HIVEP3: variants seen among roughly 807,000 people sequenced by gnomAD.
HIVEP3 encodes transcription factor HIVEP3.
A neutral mutation model predicts 152.8 loss-of-function variants in HIVEP3; 49 were observed. That is an observed-to-expected ratio of 0.32 (90% CI 0.26 to 0.41). The LOEUF (loss-of-function observed/expected upper bound fraction) is 0.41, where lower values mean the gene tolerates loss of function less well. Ranked by LOEUF, HIVEP3 falls within the 10% of genes least tolerant of loss-of-function variation. HIVEP3 has a pLI of 1.00. For synonymous variants in HIVEP3, 1,269 were observed against 1,289.0 expected, an observed-to-expected ratio of 0.98 and a Z score of 0.33; for missense variants, 2,790 against 3,103.3, an observed-to-expected ratio of 0.90 and a Z score of 2.40.
At chr1:41,997,019 T>G (rs908056961) in intron 1 of HIVEP3, among the ~76,000 whole-genome samples, 1 of 152,194 alleles carries the variant, frequency 6.6e-6, no homozygotes, top group Non-Finnish European at 1.5e-5. Flanking sequence ...AGGATAATCT[T>G]CCAGCCTCAA....
At chr1:41,645,861 G>A (rs544096627) in intron 2 of HIVEP3, among the ~76,000 whole-genome samples, 1 of 152,142 alleles carries the variant, frequency 6.6e-6, no homozygotes, top group East Asian at 1.9e-4. Flanking sequence ...GTGTGTCCCT[G>A]AGCAAGGCAT....
At chr1:41,985,734 A>G (rs1230235502) in intron 1 of HIVEP3, among the ~76,000 whole-genome samples, 1 of 152,230 alleles carries the variant, frequency 6.6e-6, no homozygotes, top group East Asian at 1.9e-4. Context: ...GAACAGCAAT[A>G]GCTAGAAGGA....
chr1:41,583,068 C>G lies in HIVEP3; in HGVS notation c.1730G>C (p.Ser577Thr). Reference sequence around the variant, plus strand: ...CCGGGGGTGGGAGGTAAACACGTGACTGCTGTGGCTCAGGGCTTCGGAGTC... The same window carrying G: ...CCGGGGGTGGGAGGTAAACACGTGAGTGCTGTGGCTCAGGGCTTCGGAGTC... ...ITDSEALSHS[S>T]HVFTSHPRML... Residue 577 changes from serine to threonine, a missense_variant, in exon 4 of 9, where the codon AGT (serine) becomes ACT (threonine). Transcript: ENST00000372583. This position sits in a 1 kb window ranked among gnomAD's most constrained non-coding sequence, Gnocchi z 6.9. 1.2e-6 allele frequency: 2 copies of G among 1,613,874 alleles called. No homozygotes were observed. The highest frequency in any genetic ancestry group is 1.7e-6 in the Non-Finnish European group (2 of 1,179,886).
chr1:41,574,461 A>T (rs1644297614), intron 5 of HIVEP3, among the ~76,000 whole-genome samples: 1 of 152,016 alleles, frequency 6.6e-6, no homozygotes, highest in South Asian at 2.1e-4. Flanking sequence ...TGCTGCCCAC[A>T]TTTCCAAGCA....
At chr1:41,813,397 C>T (rs541603036) in intron 1 of HIVEP3, among the ~76,000 whole-genome samples, 19 of 152,364 alleles carry the variant, frequency 1.2e-4, no homozygotes, top group African/African-American at 4.6e-4. Flanking sequence ...CAGTGGCTCA[C>T]ACTGCTGCCA....
chr1:41,547,405 G>A (rs1354782886), intron 5 of HIVEP3, among the ~76,000 whole-genome samples: 1 of 152,192 alleles, frequency 6.6e-6, no homozygotes, highest in Admixed American at 6.5e-5. Flanking sequence ...GGAGGGCCAG[G>A]GAGGCTCCAG....
intron 7 of HIVEP3, among the ~76,000 whole-genome samples, chr1:41,516,594 G>A (rs899695423): frequency 1.3e-5 from 2 of 152,074 alleles, no homozygotes; most frequent in Non-Finnish European, 2.9e-5. Context: ...TGCTCCCCGC[G>A]CCCACGGCAC....
intron 1 of HIVEP3, among the ~76,000 whole-genome samples, chr1:41,987,220 C>A (rs1305226840): frequency 1.3e-5 from 2 of 152,092 alleles, no homozygotes; most frequent in Admixed American, 1.3e-4. Flanking sequence ...GACCTTACTA[C>A]CCAAAGTAAT....
chr1:41,522,746 G>A (rs1289816961), intron 6 of HIVEP3, among the ~76,000 whole-genome samples: 2 of 152,238 alleles, frequency 1.3e-5, no homozygotes, highest in African/African-American at 4.8e-5. Context: ...AAGGCAAAGG[G>A]AATTGAGTGG....
At chr1:41,749,618 C>T (rs565866442) in intron 1 of HIVEP3, among the ~76,000 whole-genome samples, 9 of 152,316 alleles carry the variant, frequency 5.9e-5, no homozygotes, top group South Asian at 2.1e-4. Flanking sequence ...CTCTCTGGCG[C>T]GAAATCCTCC....
chr1:41,895,339 G>A (rs1386770520), intron 1 of HIVEP3, among the ~76,000 whole-genome samples: 1 of 152,126 alleles, frequency 6.6e-6, no homozygotes, highest in Non-Finnish European at 1.5e-5. Flanking sequence ...CACACTCCAC[G>A]TGGTCTGGCC....
At chr1:41,743,571 GC>G (rs1264776020) in intron 1 of HIVEP3, among the ~76,000 whole-genome samples, 1 of 152,192 alleles carries the variant, frequency 6.6e-6, no homozygotes, top group Non-Finnish European at 1.5e-5. Flanking sequence ...GGGAACAGCT[GC>G]CCCTTTCTGA....
chr1:41,979,830 G>A (rs1041836809), intron 1 of HIVEP3, among the ~76,000 whole-genome samples: 2 of 152,092 alleles, frequency 1.3e-5, no homozygotes, highest in African/African-American at 4.8e-5. Flanking sequence ...TTCTTTATAG[G>A]AGAAAAAGTA....
At chr1:41,706,051 G>A (rs896112651) in intron 1 of HIVEP3, among the ~76,000 whole-genome samples, 8 of 152,232 alleles carry the variant, frequency 5.3e-5, no homozygotes, top group Non-Finnish European at 1.0e-4. Flanking sequence ...CTAGGGTACA[G>A]CTATATCAGA....
chr1:41,757,185 G>A (rs972795871), intron 1 of HIVEP3, among the ~76,000 whole-genome samples: 7 of 150,796 alleles, frequency 4.6e-5, no homozygotes, highest in Admixed American at 6.6e-5. Flanking sequence ...GCGTGATCTC[G>A]GCTCACTGCA....
chr1:41,933,488 C>A (rs1557528696), intron 1 of HIVEP3, among the ~76,000 whole-genome samples: 1 of 152,028 alleles, frequency 6.6e-6, no homozygotes, highest in Non-Finnish European at 1.5e-5. Flanking sequence ...AAGACTTCAG[C>A]TTTATTTTGA....
intron 5 of HIVEP3, among the ~76,000 whole-genome samples, chr1:41,545,397 A>ACCT (rs1412334675): frequency 8.2e-5 from 1 of 12,220 alleles, no homozygotes; most frequent in African/African-American, 2.4e-4. Flanking sequence ...CACCAATACC[A>ACCT]CTACCACCAA....
intron 1 of HIVEP3, among the ~76,000 whole-genome samples, chr1:41,969,073 T>C (rs1645214655): frequency 6.6e-6 from 1 of 152,130 alleles, no homozygotes; most frequent in Non-Finnish European, 1.5e-5. Flanking sequence ...CAAAAACAGA[T>C]GGAAAAACAT....
In HIVEP3 at chr1:41,821,680, G is replaced by A. The variant is rs139820938; in HGVS notation, c.-801+96733C>T. On this transcript the variant is annotated intron_variant, in intron 1 of 8. Transcript: ENST00000372583. ...TTGGAAAGAAGCCCTACTTCCCTTA[G>A]TTCCCAGGCACTGTCTGAATCCTTC... Among the ~76,000 whole-genome samples the A allele has an allele frequency of 5.9e-3, 897 of 152,276 alleles. 9 individuals carry two copies. Among genetic ancestry groups the A allele is most frequent in the African/African-American group, 0.021 (857 of 41,544 alleles).
Sources: allele counts gnomAD v4.1 joint callset (sites outside exome capture counted in the v4.1 genomes callset), GRCh38; gene constraint gnomAD v4.1.1; non-coding constraint Gnocchi (gnomAD v3.1); transcripts MANE v1.5; gene names NCBI Gene and HGNC (gene_info 2026-07-23, HGNC 2026-07-21).